The following MBD5 variants were observed in gnomAD, a reference collection of about 807,000 sequenced individuals.
MBD5 encodes methyl-CpG binding domain protein 5, also known as methyl-CpG-binding domain protein 5.
Under a neutral mutation model 117.3 loss-of-function variants are expected in MBD5, and 13 were observed. The observed-to-expected ratio is 0.11, with a 90% CI of 0.07 to 0.18. The LOEUF (loss-of-function observed/expected upper bound fraction) is 0.18, where lower values mean the gene tolerates loss of function less well. Among genes scored for constraint, MBD5 ranks in the 10% least tolerant of loss-of-function variants. The pLI, the probability that MBD5 is intolerant of heterozygous loss-of-function variation, is 1.00. For missense variants in MBD5, 1,879 were observed against 2,093.8 expected, an observed-to-expected ratio of 0.90 and a Z score of 2.00; for synonymous variants, 727 against 766.4, an observed-to-expected ratio of 0.95 and a Z score of 0.85.
chr2:148,027,578 A>T (rs1693933988), intron 1 of MBD5: 1 of 152,138 alleles, frequency 6.6e-6, no homozygotes, highest in African/African-American at 2.4e-5. Context: ...CATGATGCTC[A>T]AAGAAAATGC....
At chr2:148,498,616 G>A (rs958776577) in intron 11 of MBD5, among the ~76,000 whole-genome samples, 3 of 152,122 alleles carry the variant, frequency 2.0e-5, no homozygotes, top group East Asian at 1.9e-4. Context: ...GATTACAGGC[G>A]TGAGCCACCA....
chr2:148,229,875 C>T (rs1197357680), intron 2 of MBD5, among the ~76,000 whole-genome samples: 2 of 152,096 alleles, frequency 1.3e-5, no homozygotes, highest in Non-Finnish European at 2.9e-5. Flanking sequence ...TCTGTCCCAC[C>T]CCACCCCCAT....
At chr2:148,464,013 T>G in intron 7 of MBD5, 94 bp downstream of exon 7, 10 of 1,272,446 alleles carry the variant, frequency 7.9e-6, no homozygotes, top group Non-Finnish European at 1.1e-5. Context: ...ATTCTACTTT[T>G]CAGGCACGCA....
rs143094399 is a variant in MBD5, at chr2:148,416,981, T to C, written c.-556-41222T>C. On this transcript the variant is annotated intron_variant, in intron 4 of 13. Transcript: ENST00000642680. ...TTTTTTATGGCTGAGTAGTATTCCATGGTGTGTTTATATATATAAATCAGT... is the reference window on the plus strand; with the variant it reads ...TTTTTTATGGCTGAGTAGTATTCCACGGTGTGTTTATATATATAAATCAGT... Among the ~76,000 whole-genome samples, 6 of 152,354 alleles carry C rather than the reference T, an allele frequency of 3.9e-5. No homozygotes were observed. The East Asian group carries it at 9.6e-4, about 24-fold the overall frequency.
chr2:148,203,533 A>C (rs1699196715), intron 2 of MBD5, among the ~76,000 whole-genome samples: 1 of 152,268 alleles, frequency 6.6e-6, no homozygotes, highest in South Asian at 2.1e-4. Flanking sequence ...ACAGAATATA[A>C]TGGTTTTACC....
At chr2:148,152,137 T>G (rs1001855511) in intron 1 of MBD5, among the ~76,000 whole-genome samples, 11 of 152,168 alleles carry the variant, frequency 7.2e-5, no homozygotes, top group Non-Finnish European at 1.0e-4. Flanking sequence ...TCTGGTATGT[T>G]GTGTCTTTGT....
Position 148,131,515 on chromosome 2 carries a change from A to AAGACCC in MBD5, c.-924-47184_-924-47179dup, listed in dbSNP as rs1388477226. Among the ~76,000 whole-genome samples the AAGACCC allele has an allele frequency of 7.2e-5, 11 of 152,256 alleles. No individual in the cohort carries two copies. In the East Asian group the frequency reaches 2.1e-3, roughly 29 times the overall value. On this transcript the variant is annotated intron_variant, in intron 1 of 13. Transcript: ENST00000642680. ...TCAAGTCCAGCCTGGGCAACATAAC[A>AAGACCC]AGACCCCCATCTCTTCAAAAAGATT... is the stretch of plus-strand genomic sequence containing the variant.
intron 3 of MBD5, among the ~76,000 whole-genome samples, chr2:148,243,101 G>A (rs1173773013): frequency 2.0e-5 from 3 of 151,320 alleles, no homozygotes; most frequent in East Asian, 3.9e-4. Context: ...CTAATGCATA[G>A]CATGAATTGC....
At chr2:148,487,958 A>C (rs1285993512) in intron 10 of MBD5, among the ~76,000 whole-genome samples, 1 of 152,226 alleles carries the variant, frequency 6.6e-6, no homozygotes, top group Non-Finnish European at 1.5e-5. Flanking sequence ...CAAACTTTAA[A>C]ATATGTAAGC....
chr2:148,173,472 A>C (rs890833394), intron 1 of MBD5, among the ~76,000 whole-genome samples: 6 of 152,180 alleles, frequency 3.9e-5, no homozygotes, highest in African/African-American at 1.4e-4. Context: ...ACCCTTGGCA[A>C]GTGTGGATCT....
chr2:148,098,991 G>C (rs1361975841), intron 1 of MBD5, among the ~76,000 whole-genome samples: 1 of 152,158 alleles, frequency 6.6e-6, no homozygotes, highest in Non-Finnish European at 1.5e-5. Context: ...AGAGGTCGAG[G>C]CTGCAGTGAG....
chr2:148,154,623 A>G (rs151313880), intron 1 of MBD5, among the ~76,000 whole-genome samples: 1 of 152,200 alleles, frequency 6.6e-6, no homozygotes, highest in Non-Finnish European at 1.5e-5. Flanking sequence ...GGTGCGGGAT[A>G]TAATCTCATG....
At chr2:148,219,317 T>C (rs1699629012) in intron 2 of MBD5, among the ~76,000 whole-genome samples, 1 of 152,166 alleles carries the variant, frequency 6.6e-6, no homozygotes, top group Non-Finnish European at 1.5e-5. Flanking sequence ...ATCTGCTATG[T>C]AACAGTGCTT....
intron 11 of MBD5, 68 bp downstream of exon 11, chr2:148,490,662 T>C (rs937095078): frequency 6.3e-7 from 1 of 1,583,876 alleles, no homozygotes; most frequent in Non-Finnish European, 8.6e-7. Flanking sequence ...CTTTTTGTTA[T>C]CATCACTTTG....
chr2:148,098,127 G>A (rs1314720810), intron 1 of MBD5, among the ~76,000 whole-genome samples: 3 of 152,194 alleles, frequency 2.0e-5, no homozygotes, highest in Non-Finnish European at 4.4e-5. Flanking sequence ...CACTCCAGTT[G>A]CAGTGAAGAA....
chr2:148,244,768 C>G (rs754395358), intron 3 of MBD5, among the ~76,000 whole-genome samples: 3 of 152,108 alleles, frequency 2.0e-5, no homozygotes, highest in Non-Finnish European at 4.4e-5. Flanking sequence ...AGGTCTGGCC[C>G]TTCAAAGCTG....
chr2:148,315,814 C>T (rs1702143701), intron 3 of MBD5, among the ~76,000 whole-genome samples: 1 of 152,220 alleles, frequency 6.6e-6, no homozygotes, highest in African/African-American at 2.4e-5. Context: ...CTTGGAGTAT[C>T]TTCCCTCTTT....
chr2:148,353,710 A>G (rs1173505249), intron 4 of MBD5, among the ~76,000 whole-genome samples: 1 of 151,690 alleles, frequency 6.6e-6, no homozygotes, highest in Non-Finnish European at 1.5e-5. Context: ...CCTCCCAAGT[A>G]CCTTAGACTA....
At chr2:148,338,360 C>G (rs1368087666) in intron 3 of MBD5, among the ~76,000 whole-genome samples, 1 of 151,934 alleles carries the variant, frequency 6.6e-6, no homozygotes, top group East Asian at 1.9e-4. Context: ...AAAAAAATTC[C>G]CAGCCTTATG....
Sources: gnomAD v4.1 joint callset for allele counts (sites outside exome capture counted in the v4.1 genomes callset) on GRCh38, gnomAD v4.1.1 for gene constraint, MANE v1.5 for transcripts, NCBI Gene and HGNC (gene_info 2026-07-23, HGNC 2026-07-21) for gene names.